The following G6PD variants were observed in gnomAD, a reference collection of about 807,000 sequenced individuals.
G6PD encodes glucose-6-phosphate dehydrogenase.
A neutral mutation model predicts 38.2 loss-of-function variants in G6PD; 2 were observed. The ratio of observed to expected loss-of-function variants is 0.05; its 90% confidence interval spans 0.02 to 0.16. G6PD has a LOEUF of 0.16. G6PD is among the 10% of genes least tolerant of loss of function. The probability of loss-of-function intolerance (pLI) is 1.00; values close to 1 mark genes in which losing one functional copy is unlikely to be tolerated. For synonymous variants in G6PD, 188 were observed against 196.0 expected (o/e 0.96, Z 0.34); for missense variants, 310 against 471.6 (o/e 0.66, Z 3.17).
At chrX:154,534,625 C>A in intron 5 of G6PD, 129 bp from the exon 6 acceptor site, 3 of 789,457 alleles carry the variant, frequency 3.8e-6, no homozygotes, top group Admixed American at 2.8e-5. Flanking sequence ...TGGCCACCTC[C>A]CGTGCCTTGT....
chrX:154,545,857 G>T, intron 2 of G6PD, 179 bp downstream of exon 2: 86 of 329,023 alleles, frequency 2.6e-4, no homozygotes, highest in Non-Finnish European at 3.7e-4. Flanking sequence ...AAAAAAAAAA[G>T]TCTTGCAAGT....
chrX:154,535,217 C>G lies in G6PD; in HGVS notation c.436G>C (p.Val146Leu). ...ATGTTCTTGGTGACGGCCTCGTAGACGGTCGGGGGCAAGGCCAGGTAGAAG... is the reference window on the plus strand; with the variant it reads ...ATGTTCTTGGTGACGGCCTCGTAGAGGGTCGGGGGCAAGGCCAGGTAGAAG... ...RLFYLALPPT[V>L]YEAVTKNIHE... The change falls in exon 5 of 13, where the codon GTC becomes CTC. Residue 146 changes from valine (V) to leucine (L), a missense_variant. Val to Leu is a conservative substitution (Grantham distance 32). Coordinates refer to ENST00000393562, the MANE Select transcript of G6PD (RefSeq NM_001360016.2). The G allele has an allele frequency of 1.7e-6, 2 of 1,211,643 alleles. No individual in the cohort carries two copies. The highest frequency in any genetic ancestry group is 2.2e-6 in the Non-Finnish European group (2 of 895,494).
At chrX:154,543,937 T>C (rs1204007485) in intron 2 of G6PD, among the ~76,000 whole-genome samples, 1 of 108,368 alleles carries the variant, frequency 9.2e-6, no homozygotes, top group African/African-American at 3.4e-5. Flanking sequence ...TTGCGATTTC[T>C]GCTCACTGCA....
chrX:154,546,740 G>A (rs2070731602), intron 1 of G6PD, 49 bp downstream of exon 1: 1 of 1,020,215 alleles, frequency 9.8e-7, no homozygotes, highest in Non-Finnish European at 1.3e-6. Context: ...GCGGCGCAGC[G>A]CGGGACAGTA....
rs1406976049 is a variant in G6PD, at chrX:154,533,305, G to C, written c.865-177C>G. Reference sequence around the variant, plus strand: ...CTGAGGACCCTCCAGGACCACCCTGGTCCATCTCGAGTCTATTCTGATGAA... The same window carrying C: ...CTGAGGACCCTCCAGGACCACCCTGCTCCATCTCGAGTCTATTCTGATGAA... On this transcript the variant is annotated intron_variant, in intron 8 of 12. Transcript: ENST00000393562. The C allele has an allele frequency of 5.6e-6, 3 of 534,773 alleles. No homozygotes were observed. In the African/African-American group the frequency reaches 6.9e-5, roughly 12 times the overall value. 44.1% of individuals were successfully genotyped at this position (534,773 alleles called of 1,213,427 possible).
chrX:154,538,225 G>C (rs2070432973), intron 2 of G6PD, among the ~76,000 whole-genome samples: 1 of 110,706 alleles, frequency 9.0e-6, no homozygotes, highest in Non-Finnish European at 1.9e-5. Flanking sequence ...GAACTCCTGG[G>C]CTCAAGTGAT....
chrX:154,532,581 C>T lies in G6PD; in HGVS notation c.1273G>A (p.Gly425Ser), dbSNP rs1557229657. ...CTGTAGGGCACCTTGTATCTGTTGCCGTAGGTCAGGTCCAGCTCCGACTCC... is the reference window on the plus strand; with the variant it reads ...CTGTAGGGCACCTTGTATCTGTTGCTGTAGGTCAGGTCCAGCTCCGACTCC... ...PEESELDLTY[G>S]NRYKNVKLPD... Residue 425 changes from glycine to serine, a missense_variant, in exon 10 of 13, where the codon GGC becomes AGC. This residue lies in a region of G6PD where 168 missense variants were observed against 309.2 expected (regional missense o/e 0.54). Transcript: ENST00000393562. 11 of 1,210,900 alleles carry T rather than the reference C, an allele frequency of 9.1e-6. No individual in the cohort carries two copies. The highest frequency in any genetic ancestry group is 5.3e-5 in the South Asian group (3 of 56,917).
intron 2 of G6PD, among the ~76,000 whole-genome samples, chrX:154,543,135 C>T (rs1251663149): frequency 8.9e-6 from 1 of 111,775 alleles, no homozygotes; most frequent in Non-Finnish European, 1.9e-5. Context: ...CCATCTCCCC[C>T]ACAGCAGGAA....
At chrX:154,541,680 C>G (rs1177938948) in intron 2 of G6PD, among the ~76,000 whole-genome samples, 1 of 112,185 alleles carries the variant, frequency 8.9e-6, no homozygotes, top group Non-Finnish European at 1.9e-5. Context: ...CCACGCCCTC[C>G]TCTTTCCTGA....
Position 154,535,218 on chromosome X carries a change from G to T in G6PD, c.435C>A (p.Thr145=). The T allele has an allele frequency of 8.3e-7, 1 of 1,211,805 alleles. No individual in the cohort carries two copies. Among genetic ancestry groups the T allele is most frequent in the South Asian group, 1.8e-5 (1 of 56,983 alleles). The change falls in exon 5 of 13, where the codon ACC becomes ACA. Residue 145 remains threonine, a synonymous_variant. Transcript: ENST00000393562. ...TGTTCTTGGTGACGGCCTCGTAGAC[G>T]GTCGGGGGCAAGGCCAGGTAGAAGA... ...NRLFYLALPP[T]VYEAVTKNIH... is the part of the protein sequence containing the mutation.
At position 154,542,282 on chromosome X, in the gene G6PD, G is replaced by A. The variant is rs202220072; in HGVS notation, c.120+3754C>T. 1.4e-4 allele frequency: 158 copies of A among 1,150,982 alleles called. No homozygotes were observed. The highest frequency in any genetic ancestry group is 1.7e-4 in the Non-Finnish European group (149 of 858,836). The allele number at this position is 1,150,982 out of a possible 1,213,427, so 94.9% of individuals were successfully genotyped here. ...CAAGCCCATGGCCCTTGTGATCCAG[G>A]TGGGGAAACTAAGGCCCAGAGAAGT... On this transcript the variant is annotated intron_variant, in intron 2 of 12. Transcript: ENST00000393562.
At chrX:154,546,885 C>G (rs879969115), upstream of G6PD, 1 of 1,011,505 alleles carries the variant, frequency 9.9e-7, no homozygotes. Flanking sequence ...TCGGCGGGGG[C>G]GGGGGCGGGC....
At position 154,545,885 on chromosome X, in the gene G6PD, A is replaced by AGAGCC. The variant is rs1328755458; in HGVS notation, c.120+146_120+150dup. The AGAGCC allele has an allele frequency of 8.9e-5, 57 of 643,924 alleles. No homozygotes were observed. The South Asian group carries it at 1.3e-3, about 15-fold the overall frequency. 53.1% of individuals were successfully genotyped at this position (643,924 alleles called of 1,213,427 possible). On this transcript the variant is annotated intron_variant, in intron 2 of 12. Coordinates refer to ENST00000393562, the MANE Select transcript of G6PD (RefSeq NM_001360016.2). ...TTGCAAGTGCATATGCACACCAGGT[A>AGAGCC]GAGCCGGGATGATCCTGGCGCACTA...
At chrX:154,547,224 A>G, upstream of G6PD, 1 of 549,785 alleles carries the variant, frequency 1.8e-6, no homozygotes, top group African/African-American at 2.5e-5. Flanking sequence ...TTCCGCCGGC[A>G]GCGTGGCCAC....
chrX:154,537,468 G>C (rs1226902726), intron 2 of G6PD, among the ~76,000 whole-genome samples: 1 of 110,574 alleles, frequency 9.0e-6, no homozygotes, highest in Non-Finnish European at 1.9e-5. Context: ...ATACAAAATT[G>C]GCTGGGCATG....
Position 154,546,058 on chromosome X carries a change from A to G in G6PD, c.98T>C (p.Ile33Thr), listed in dbSNP as rs398123552. ...CACCGATGCACCCATGATGATGAAT[A>G]TGTGTGTATCCGACTGATGGAAGGC... ...GDAFHQSDTH[I>T]FIIMGASGDL... The change falls in exon 2 of 13, where the codon ATA (isoleucine) becomes ACA (threonine). Residue 33 changes from isoleucine (I) to threonine (T), a missense_variant. This residue lies in a region of G6PD where 29 missense variants were observed against 28.2 expected (regional missense o/e 1.03). Coordinates refer to ENST00000393562, the MANE Select transcript of G6PD (RefSeq NM_001360016.2). 4 of 1,211,011 alleles carry G rather than the reference A, an allele frequency of 3.3e-6. No homozygotes were observed. The highest frequency in any genetic ancestry group is 4.4e-5 in the Admixed American group (2 of 45,973).
rs5986990 is a variant in G6PD at position 154,533,413 on chromosome X, G to A, written c.864+163C>T. On this transcript the variant is annotated intron_variant, in intron 8 of 12. Transcript: ENST00000393562. ...TGGGACATGACAACTTGGGCTTCAT[G>A]ACTGCCAGTCCAGGTCACCTCCGGG... 15,333 of 608,233 alleles carry A rather than the reference G, an allele frequency of 0.025. 1,661 individuals carry two copies. The African/African-American group carries it at 0.31, about 12-fold the overall frequency. The allele number at this position is 608,233 out of a possible 1,213,427, so 50.1% of individuals were successfully genotyped here. A position where few individuals can be genotyped will look rare whatever the true frequency, so the allele number is the denominator to read the frequency against.
At chrX:154,536,666 T>C (rs1432652901) in intron 2 of G6PD, among the ~76,000 whole-genome samples, 2 of 110,796 alleles carry the variant, frequency 1.8e-5, no homozygotes, top group African/African-American at 6.6e-5. Context: ...CCCATCTCTA[T>C]TAAAAATACA....
In G6PD at chrX:154,534,996, CG is replaced by C. The variant is rs1208311775; in HGVS notation, c.485+171del. On this transcript the variant is annotated intron_variant, in intron 5 of 12. Transcript: ENST00000393562. ...TGGCCGGGCCTTTGGGGAAGCAGAG[CG>C]GAAAGGCGGTGTTTCGTGGAGCAAC... 4 of 514,453 alleles carry C rather than the reference CG, an allele frequency of 7.8e-6. No individual in the cohort carries two copies. The African/African-American group carries it at 9.2e-5, about 12-fold the overall frequency. 42.4% of individuals were successfully genotyped at this position (514,453 alleles called of 1,213,427 possible).
Sources: allele counts gnomAD v4.1 joint callset (sites outside exome capture counted in the v4.1 genomes callset), GRCh38; gene constraint gnomAD v4.1.1; regional missense constraint gnomAD v4.1.1; transcripts MANE v1.5; gene names NCBI Gene and HGNC (gene_info 2026-07-23, HGNC 2026-07-21).